Variants in CADPS observed in about 807,000 individuals in gnomAD.
The protein encoded by CADPS is calcium dependent secretion activator.
In CADPS, 57 loss-of-function variants were observed where a neutral mutation model predicts 167.3. The observed-to-expected ratio is 0.34, with a 90% confidence interval of 0.28 to 0.42. CADPS has a LOEUF of 0.42. CADPS is among the 20% of genes least tolerant of loss of function. CADPS has a pLI of 1.00. For missense variants in CADPS, 1,414 were observed against 1,738.1 expected, an observed-to-expected ratio of 0.81 and a Z score of 3.32; for synonymous variants, 676 against 635.3, an observed-to-expected ratio of 1.06 and a Z score of -0.96.
rs796436833 is a variant in CADPS, at chr3:62,421,246, C to G, written c.3777+16858G>C. ...GGCTCCCTCCCCCTTCCTCCCCACA[C>G]CCCCCACCCTTTTGAGGTGACAGAA... On this transcript the variant is annotated intron_variant, in intron 28 of 29. Transcript: ENST00000383710. The surrounding 1 kb of genome is among the most constrained non-coding windows in gnomAD (Gnocchi z 4.7). Among the ~76,000 whole-genome samples the G allele has an allele frequency of 2.0e-5, 3 of 151,402 alleles. No individual in the cohort carries two copies. Among genetic ancestry groups the G allele is most frequent in the African/African-American group, 7.3e-5 (3 of 41,230 alleles).
chr3:62,864,011 A>G (rs2081264746), intron 1 of CADPS, among the ~76,000 whole-genome samples: 1 of 152,198 alleles, frequency 6.6e-6, no homozygotes, highest in Admixed American at 6.5e-5. Flanking sequence ...TCATCTGTGA[A>G]CTACTTCTTA....
intron 3 of CADPS, among the ~76,000 whole-genome samples, chr3:62,709,006 A>G (rs897325796): frequency 6.6e-6 from 1 of 151,994 alleles, no homozygotes; most frequent in Admixed American, 6.6e-5. Flanking sequence ...ATGCTGGAAC[A>G]CCTTCCTTTT....
intron 2 of CADPS, among the ~76,000 whole-genome samples, chr3:62,756,519 G>A (rs1053807778): frequency 2.6e-5 from 4 of 152,176 alleles, no homozygotes; most frequent in African/African-American, 7.2e-5. Context: ...CAGGTGTCAG[G>A]AATACAACGG....
rs116223703 is a variant in CADPS, at chr3:62,744,512, T to C, written c.888+8929A>G. Among the ~76,000 whole-genome samples, 823 of 152,286 alleles carry C rather than the reference T, an allele frequency of 5.4e-3. 6 individuals carry two copies. The highest frequency in any genetic ancestry group is 0.019 in the African/African-American group (784 of 41,574). ...AGAAGAAAAATTCAAATTATTAGCATGGGGAATCTGGACTGGTGAAACGTG... is the reference window on the plus strand; with the variant it reads ...AGAAGAAAAATTCAAATTATTAGCACGGGGAATCTGGACTGGTGAAACGTG... On this transcript the variant is annotated intron_variant, in intron 3 of 29. Coordinates refer to ENST00000383710, the MANE Select transcript of CADPS (RefSeq NM_003716.4).
chr3:62,608,555 A>G (rs1465807990), intron 6 of CADPS, among the ~76,000 whole-genome samples: 1 of 152,188 alleles, frequency 6.6e-6, no homozygotes, highest in Non-Finnish European at 1.5e-5. Context: ...CTGGGATTAC[A>G]GGCATGAGCC....
intron 8 of CADPS, among the ~76,000 whole-genome samples, chr3:62,583,212 A>G (rs1280121880): frequency 7.0e-6 from 1 of 143,086 alleles, no homozygotes; most frequent in African/African-American, 2.6e-5. Context: ...CTGCTCACTC[A>G]TGTGCTGGTT....
chr3:62,431,893 A>T (rs978996349), intron 28 of CADPS, among the ~76,000 whole-genome samples: 5 of 136,026 alleles, frequency 3.7e-5, no homozygotes, highest in African/African-American at 8.1e-5. Context: ...GAAAAAGATT[A>T]AAAAAAACAC....
chr3:62,419,871 A>T lies in CADPS; in HGVS notation c.3778-16686T>A, dbSNP rs2149396359. 2.0e-5 allele frequency among the ~76,000 whole-genome samples: 3 copies of T among 152,346 alleles called. No individual in the cohort carries two copies. The South Asian group carries it at 6.2e-4, about 32-fold the overall frequency. ...AGTGGAGTGCCAACTCTGCCGTCTT[A>T]AAACAGGGTTGGCTAATCATATTAG... is the stretch of plus-strand genomic sequence containing the variant. On this transcript the variant is annotated intron_variant, in intron 28 of 29. Coordinates refer to ENST00000383710, the MANE Select transcript of CADPS (RefSeq NM_003716.4).
intron 3 of CADPS, among the ~76,000 whole-genome samples, chr3:62,693,139 C>T (rs1197962045): frequency 1.3e-5 from 2 of 152,050 alleles, no homozygotes; most frequent in South Asian, 2.1e-4. Context: ...CCTGCCCCTC[C>T]CTTCAGGCCT....
chr3:62,578,501 T>C (rs1318608056), intron 8 of CADPS, among the ~76,000 whole-genome samples: 6 of 149,632 alleles, frequency 4.0e-5, no homozygotes, highest in Non-Finnish European at 8.9e-5. Flanking sequence ...TCCCAGCTGC[T>C]TGGGAGGCTG....
In CADPS at chr3:62,478,982, C is replaced by G. The variant is rs567671254; in HGVS notation, c.3174-566G>C. Among the ~76,000 whole-genome samples the G allele has an allele frequency of 6.6e-6, 1 of 152,284 alleles. No homozygotes were observed. The highest frequency in any genetic ancestry group is 1.9e-4 in the East Asian group (1 of 5,180). On this transcript the variant is annotated intron_variant, in intron 22 of 29. Transcript: ENST00000383710. This position sits in a 1 kb window ranked among gnomAD's most constrained non-coding sequence, Gnocchi z 5.7. ...GGTGACTCAGATCAAGAGGGGTACA[C>G]CTGGATACCTTGATTCCAAAATTCT...
chr3:62,874,557 T>G lies in CADPS; in HGVS notation c.441+32A>C. On this transcript the variant is annotated intron_variant, in intron 1 of 29. Coordinates refer to ENST00000383710, the MANE Select transcript of CADPS (RefSeq NM_003716.4). The surrounding 1 kb of genome is among the most constrained non-coding windows in gnomAD (Gnocchi z 7.1). ...CCCCGCCCGCCTGGCGACGTCCGGG[T>G]GCTGCTCCCTGGGCCTCCCAGGCGC... is the stretch of plus-strand genomic sequence containing the variant. 2 of 1,509,716 alleles carry G rather than the reference T, an allele frequency of 1.3e-6. No homozygotes were observed. Among genetic ancestry groups the G allele is most frequent in the Non-Finnish European group, 1.8e-6 (2 of 1,114,920 alleles). 93.5% of individuals were successfully genotyped at this position (1,509,716 alleles called of 1,614,324 possible).
At chr3:62,434,665 CA>C (rs2054625180) in intron 28 of CADPS, among the ~76,000 whole-genome samples, 1 of 152,168 alleles carries the variant, frequency 6.6e-6, no homozygotes, top group South Asian at 2.1e-4. Context: ...CACAAGCACC[CA>C]CTTCCAGCCA....
chr3:62,779,342 T>C (rs961199517), intron 1 of CADPS: 7 of 410,804 alleles, frequency 1.7e-5, no homozygotes, highest in Non-Finnish European at 3.4e-5. Context: ...TCTGGAACTT[T>C]AGCAGCAGCA....
intron 2 of CADPS, among the ~76,000 whole-genome samples, chr3:62,761,845 G>A (rs1048127079): frequency 4.6e-5 from 7 of 152,272 alleles, no homozygotes; most frequent in Admixed American, 2.0e-4. Context: ...CCAGATCTCA[G>A]AGCACCCATC....
At chr3:62,406,037 C>T (rs776983521) in intron 28 of CADPS, among the ~76,000 whole-genome samples, 5 of 152,138 alleles carry the variant, frequency 3.3e-5, no homozygotes, top group Non-Finnish European at 5.9e-5. Context: ...TGAGTGCCTC[C>T]GGAAGCAGCA....
intron 14 of CADPS, 63 bp from the exon 15 acceptor site, chr3:62,516,706 A>G: frequency 1.7e-6 from 2 of 1,180,444 alleles, no homozygotes. Flanking sequence ...AATATGCTGC[A>G]ATTTGATTCC....
At chr3:62,693,784 T>TAAAA (rs67971671) in intron 3 of CADPS, among the ~76,000 whole-genome samples, 41 of 144,600 alleles carry the variant, frequency 2.8e-4, no homozygotes, top group African/African-American at 5.7e-4. Flanking sequence ...GACTCCATCT[T>TAAAA]AAAAAAAAAA....
intron 1 of CADPS, among the ~76,000 whole-genome samples, chr3:62,813,164 C>T (rs2094462768): frequency 6.6e-6 from 1 of 152,042 alleles, no homozygotes; most frequent in Admixed American, 6.6e-5. Flanking sequence ...CAAAGCAATA[C>T]TAAGCAAAAA....
Sources: gnomAD v4.1 joint callset for allele counts (sites outside exome capture counted in the v4.1 genomes callset) on GRCh38, gnomAD v4.1.1 for gene constraint, Gnocchi (gnomAD v3.1) non-coding constraint, MANE v1.5 for transcripts, NCBI Gene and HGNC (gene_info 2026-07-23, HGNC 2026-07-21) for gene names.